The following ADARB1 variants were observed in gnomAD, a reference collection of about 807,000 sequenced individuals.
ADARB1 encodes the protein adenosine deaminase RNA specific B1.
A neutral mutation model predicts 52.4 loss-of-function variants in ADARB1; 10 were observed. The ratio of observed to expected loss-of-function variants is 0.19; its 90% confidence interval spans 0.12 to 0.32. The LOEUF is 0.32. Ranked by LOEUF, ADARB1 falls within the 10% of genes least tolerant of loss-of-function variation. ADARB1 has a pLI of 1.00. For synonymous variants in ADARB1, 349 were observed against 371.1 expected, an observed-to-expected ratio of 0.94 and a Z score of 0.68; for missense variants, 643 against 922.3, an observed-to-expected ratio of 0.70 and a Z score of 3.92.
At chr21:45,152,809 A>ATTAATTAATCT (rs1317739609) in intron 2 of ADARB1, 1 of 180,114 alleles carries the variant, frequency 5.6e-6, no homozygotes, top group Non-Finnish European at 1.2e-5. Flanking sequence ...AATCTTGCTG[A>ATTAATTAATCT]TGCCAGTTAC....
At chr21:45,178,980 C>T (rs548577164) in intron 4 of ADARB1, among the ~76,000 whole-genome samples, 3 of 152,272 alleles carry the variant, frequency 2.0e-5, no homozygotes, top group Admixed American at 6.5e-5. Context: ...TTTGGAGATT[C>T]GCCTAATCTT....
intron 2 of ADARB1, among the ~76,000 whole-genome samples, chr21:45,164,451 A>G (rs2091152443): frequency 6.8e-6 from 1 of 148,108 alleles, no homozygotes; most frequent in African/African-American, 2.5e-5. Context: ...TGCCCCAGCC[A>G]TGTGGGCCTC....
intron 1 of ADARB1, among the ~76,000 whole-genome samples, chr21:45,085,425 G>T (rs962256651): frequency 2.0e-5 from 3 of 152,188 alleles, no homozygotes; most frequent in Non-Finnish European, 4.4e-5. Flanking sequence ...GTGTGAAGTC[G>T]ATTTAAACAG....
At chr21:45,084,067 G>T (rs1347343597) in intron 1 of ADARB1, among the ~76,000 whole-genome samples, 1 of 152,220 alleles carries the variant, frequency 6.6e-6, no homozygotes, top group Non-Finnish European at 1.5e-5. Flanking sequence ...GAATTTGGGA[G>T]ATCAGGATTG....
rs2091888956 is a variant in ADARB1 at position 45,180,408 on chromosome 21, C to T, written c.1042C>T (p.Arg348Cys). 2.5e-6 allele frequency: 4 copies of T among 1,614,110 alleles called. No individual in the cohort carries two copies. Among genetic ancestry groups the T allele is most frequent in the Non-Finnish European group, 3.4e-6 (4 of 1,179,994 alleles). Residue 348 changes from arginine to cysteine, a missense_variant, in exon 5 of 11, where the codon CGC becomes TGC. This residue lies in a region of ADARB1 where 263 missense variants were observed against 475.8 expected (regional missense o/e 0.55). Transcript: ENST00000348831. The stretch of plus-strand genomic sequence containing the variant: ...CGACAACTTCTCCTCCCCTCACGCT[C>T]GCAGAAAAGTGCTGGCTGGAGTCGT... ...LTDNFSSPHARRKVLAGVVMT... is the reference protein window; with the variant it reads ...LTDNFSSPHACRKVLAGVVMT...
chr21:45,080,221 A>G (rs7276137), intron 1 of ADARB1, among the ~76,000 whole-genome samples: 1 of 152,072 alleles, frequency 6.6e-6, no homozygotes, highest in South Asian at 2.1e-4. Context: ...GAGTCATGGG[A>G]TGGTGGCTGG....
chr21:45,212,123 AGTAATCC>A (rs1420357151), intron 9 of ADARB1, among the ~76,000 whole-genome samples: 10 of 152,260 alleles, frequency 6.6e-5, no homozygotes, highest in African/African-American at 2.2e-4. Flanking sequence ...ATCATTCAAC[AGTAATCC>A]TTTATTTTGA....
intron 1 of ADARB1, among the ~76,000 whole-genome samples, chr21:45,099,355 G>A (rs1025363902): frequency 6.6e-6 from 1 of 152,162 alleles, no homozygotes; most frequent in Non-Finnish European, 1.5e-5. Flanking sequence ...TGCTCTGCAA[G>A]CCTTTTTAAA....
intron 9 of ADARB1, among the ~76,000 whole-genome samples, chr21:45,215,785 T>A (rs1443579880): frequency 3.9e-5 from 6 of 152,248 alleles, no homozygotes; most frequent in Non-Finnish European, 5.9e-5. Context: ...TATTTATATT[T>A]GTCTGTAGGG....
At chr21:45,153,727 C>T (rs2090420019) in intron 2 of ADARB1, among the ~76,000 whole-genome samples, 2 of 152,184 alleles carry the variant, frequency 1.3e-5, no homozygotes. Flanking sequence ...ACCCTGGGCC[C>T]TCTGTGCACC....
In ADARB1 at chr21:45,223,837, G is replaced by C; in HGVS notation, c.*1640G>C. On this transcript the variant is annotated 3_prime_UTR_variant, in exon 11 of 11. Coordinates refer to ENST00000348831, the MANE Select transcript of ADARB1 (RefSeq NM_001112.4). ...GTGTGTCCACACAGATCTCGTCGCA[G>C]CACGGCAGGAAGGGGTGCTGCTTAG... 6.1e-6 allele frequency: 6 copies of C among 985,408 alleles called. No homozygotes were observed. Among genetic ancestry groups the C allele is most frequent in the Non-Finnish European group, 7.2e-6 (6 of 829,952 alleles). 61.0% of individuals were successfully genotyped at this position (985,408 alleles called of 1,614,324 possible). A position where few individuals can be genotyped will look rare whatever the true frequency, so the allele number is the denominator to read the frequency against.
At chr21:45,131,740 G>A (rs2088950356) in intron 2 of ADARB1, among the ~76,000 whole-genome samples, 1 of 152,260 alleles carries the variant, frequency 6.6e-6, no homozygotes, top group Non-Finnish European at 1.5e-5. Context: ...AGTGCCAAGA[G>A]GCAGCTGCGT....
chr21:45,086,247 A>G (rs1052161666), intron 1 of ADARB1, among the ~76,000 whole-genome samples: 24 of 152,258 alleles, frequency 1.6e-4, no homozygotes, highest in African/African-American at 5.1e-4. Flanking sequence ...AGTTATGATC[A>G]AATAATGCTT....
intron 1 of ADARB1, among the ~76,000 whole-genome samples, chr21:45,126,538 A>G (rs1332720986): frequency 3.3e-5 from 5 of 152,130 alleles, no homozygotes; most frequent in Admixed American, 1.3e-4. Context: ...TCACGGCACC[A>G]TCTGCGGCGG....
chr21:45,077,712 T>C (rs1242621924), intron 1 of ADARB1, among the ~76,000 whole-genome samples: 1 of 151,940 alleles, frequency 6.6e-6, no homozygotes, highest in African/African-American at 2.4e-5. Flanking sequence ...GTTTTCTGTG[T>C]CAACTTTCTA....
In ADARB1 at chr21:45,134,256, G is replaced by A. The variant is rs567652464; in HGVS notation, c.-48+5683G>A. Among the ~76,000 whole-genome samples the A allele has an allele frequency of 2.1e-4, 26 of 123,328 alleles. 1 individual carries two copies. Among genetic ancestry groups the A allele is most frequent in the African/African-American group, 8.0e-4 (25 of 31,318 alleles). 80.9% of individuals were successfully genotyped at this position (123,328 alleles called of 152,430 possible). On this transcript the variant is annotated intron_variant, in intron 2 of 10. Transcript: ENST00000348831. The stretch of plus-strand genomic sequence containing the variant: ...CGCCGGGTGTGTGCCCGACAGTGGT[G>A]TGTGCCCGACAGTGGTGTGTGCACC...
At chr21:45,103,763 C>T (rs534390574) in intron 1 of ADARB1, among the ~76,000 whole-genome samples, 11 of 152,290 alleles carry the variant, frequency 7.2e-5, no homozygotes, top group Non-Finnish European at 4.4e-5. Context: ...TGGGGCCTTT[C>T]TGTCACATCT....
chr21:45,138,922 CT>C (rs5844226), intron 2 of ADARB1, among the ~76,000 whole-genome samples: 1,799 of 141,348 alleles, frequency 0.013, 17 homozygotes, highest in African/African-American at 0.034. Flanking sequence ...TTGTTGTCTT[CT>C]TTTTTTTTTT....
intron 2 of ADARB1, among the ~76,000 whole-genome samples, chr21:45,134,090 G>T (rs542706690): frequency 9.6e-6 from 1 of 104,482 alleles, no homozygotes; most frequent in East Asian, 3.3e-4. Flanking sequence ...GTGTGTGCCC[G>T]ACAGTGGTGT....
Sources: gnomAD v4.1 joint callset for allele counts (sites outside exome capture counted in the v4.1 genomes callset) on GRCh38, gnomAD v4.1.1 for gene constraint, gnomAD v4.1.1 regional missense constraint, MANE v1.5 for transcripts, NCBI Gene and HGNC (gene_info 2026-07-23, HGNC 2026-07-21) for gene names.